Variants in ADAM2 observed in about 807,000 individuals in gnomAD.
ADAM2 encodes the protein ADAM metallopeptidase domain 2, also known as disintegrin and metalloproteinase domain-containing protein 2.
A neutral mutation model predicts 99.3 loss-of-function variants in ADAM2; 101 were observed. The observed-to-expected ratio is 1.02, with a 90% CI of 0.87 to 1.20. ADAM2 has a LOEUF of 1.20. Among genes scored for constraint, ADAM2 ranks in the 50% most tolerant of loss-of-function variants. The pLI, the probability that ADAM2 is intolerant of heterozygous loss-of-function variation, is 0.00. For missense variants in ADAM2, 948 were observed against 878.7 expected, an observed-to-expected ratio of 1.08 and a Z score of -1.00; for synonymous variants, 323 against 287.6, an observed-to-expected ratio of 1.12 and a Z score of -1.25.
intron 12 of ADAM2, among the ~76,000 whole-genome samples, chr8:39,768,064 G>C (rs1586070958): frequency 6.6e-6 from 1 of 152,156 alleles, no homozygotes. Flanking sequence ...AGAGTTGTCA[G>C]TATTTTTCAC....
At chr8:39,774,627 G>A (rs975848387) in intron 11 of ADAM2, 26 of 152,108 alleles carry the variant, frequency 1.7e-4, no homozygotes, top group African/African-American at 6.0e-4. Flanking sequence ...CAACCATGAT[G>A]GGAATAACTT....
chr8:39,835,479 T>A (rs1043978033), intron 2 of ADAM2, among the ~76,000 whole-genome samples: 2 of 151,994 alleles, frequency 1.3e-5, no homozygotes, highest in Admixed American at 6.5e-5. Flanking sequence ...GGTCAGGAGA[T>A]CGAGACCATC....
intron 7 of ADAM2, among the ~76,000 whole-genome samples, chr8:39,807,503 C>G (rs986296453): frequency 1.3e-5 from 2 of 152,238 alleles, no homozygotes; most frequent in East Asian, 3.9e-4. Flanking sequence ...TATTTTGGAG[C>G]CCTGAGCCCC....
chr8:39,826,876 C>CAAAACTAGACA (rs566161374), intron 3 of ADAM2, among the ~76,000 whole-genome samples: 1 of 151,628 alleles, frequency 6.6e-6, no homozygotes, highest in Non-Finnish European at 1.5e-5. Flanking sequence ...GTAACAAAAC[C>CAAAACTAGACA]AAAACTAGAC....
chr8:39,768,285 T>C (rs576402460), intron 12 of ADAM2, among the ~76,000 whole-genome samples: 4 of 152,132 alleles, frequency 2.6e-5, no homozygotes, highest in Non-Finnish European at 5.9e-5. Context: ...TAAAAACATA[T>C]CACATATCTC....
rs57655234 is a variant in ADAM2 at position 39,767,896 on chromosome 8, T to TCACACACACACACA, written c.1213-659_1213-646dup. 3.3e-3 allele frequency among the ~76,000 whole-genome samples: 487 copies of TCACACACACACACA among 147,878 alleles called. 5 individuals carry two copies. The highest frequency in any genetic ancestry group is 0.012 in the African/African-American group (469 of 40,552). ...ATAAGAAGGCTAAAAGACAATGCAT[T>TCACACACACACACA]CACACACACACACACACACACACAC... On this transcript the variant is annotated intron_variant, in intron 12 of 20. Coordinates refer to ENST00000265708, the MANE Select transcript of ADAM2 (RefSeq NM_001464.5).
At chr8:39,789,960 G>A (rs1391828788) in intron 7 of ADAM2, among the ~76,000 whole-genome samples, 1 of 151,764 alleles carries the variant, frequency 6.6e-6, no homozygotes, top group African/African-American at 2.4e-5. Flanking sequence ...TTGTGTATTA[G>A]GGAAATGTAA....
At chr8:39,815,710 A>C (rs1051757776) in intron 6 of ADAM2, among the ~76,000 whole-genome samples, 6 of 152,192 alleles carry the variant, frequency 3.9e-5, no homozygotes, top group African/African-American at 1.4e-4. Flanking sequence ...TTTTAAATAC[A>C]GCAGAAAGAA....
chr8:39,787,240 G>A (rs566708458), intron 9 of ADAM2, among the ~76,000 whole-genome samples, 185 bp from the exon 10 acceptor site: 15 of 151,460 alleles, frequency 9.9e-5, no homozygotes, highest in Admixed American at 9.9e-4. Context: ...TAAAAACAAA[G>A]TGTATTTTAT....
intron 3 of ADAM2, among the ~76,000 whole-genome samples, chr8:39,827,921 G>A (rs193108817): frequency 2.7e-4 from 41 of 152,054 alleles, no homozygotes; most frequent in African/African-American, 9.6e-4. Context: ...ATGTTAATTA[G>A]CTTAGTCATT....
chr8:39,811,003 G>GT (rs1804670812), intron 6 of ADAM2, among the ~76,000 whole-genome samples: 1 of 152,024 alleles, frequency 6.6e-6, no homozygotes, highest in Non-Finnish European at 1.5e-5. Context: ...CCAGGAGCTG[G>GT]TTTTTTGAAA....
intron 10 of ADAM2, among the ~76,000 whole-genome samples, chr8:39,781,327 C>T (rs1338067786): frequency 6.6e-6 from 1 of 152,046 alleles, no homozygotes. Context: ...TGTATAACTA[C>T]TACTTTGTAC....
intron 3 of ADAM2, among the ~76,000 whole-genome samples, chr8:39,833,152 A>G (rs1315900418): frequency 6.6e-6 from 1 of 152,016 alleles, no homozygotes; most frequent in Non-Finnish European, 1.5e-5. Flanking sequence ...TGCTCTATGT[A>G]TTTCTTGCAG....
intron 7 of ADAM2, among the ~76,000 whole-genome samples, chr8:39,793,092 G>A: frequency 6.6e-6 from 1 of 152,026 alleles, no homozygotes; most frequent in Non-Finnish European, 1.5e-5. Context: ...GGGAGAAAAG[G>A]CATTGGCTTA....
intron 10 of ADAM2, among the ~76,000 whole-genome samples, chr8:39,781,665 C>T (rs753905117): frequency 3.3e-5 from 5 of 152,116 alleles, no homozygotes; most frequent in South Asian, 2.1e-4. Flanking sequence ...ACTAATCTCT[C>T]TTGATCTAAA....
At chr8:39,793,669 C>A (rs943529640) in intron 7 of ADAM2, among the ~76,000 whole-genome samples, 1 of 152,100 alleles carries the variant, frequency 6.6e-6, no homozygotes. Context: ...AATTTCCAGA[C>A]TCCTTGGTAT....
chr8:39,778,113 T>C (rs2129584745), intron 10 of ADAM2, among the ~76,000 whole-genome samples: 1 of 150,790 alleles, frequency 6.6e-6, no homozygotes, highest in South Asian at 2.1e-4. Flanking sequence ...AGTAAGATGC[T>C]TATTATAGCA....
intron 10 of ADAM2, among the ~76,000 whole-genome samples, chr8:39,777,843 A>C (rs903680317): frequency 3.3e-5 from 5 of 151,736 alleles, no homozygotes; most frequent in Non-Finnish European, 7.4e-5. Flanking sequence ...AAAATTAAAA[A>C]AATTGATTCC....
At chr8:39,812,594 C>T (rs562391082) in intron 6 of ADAM2, among the ~76,000 whole-genome samples, 1 of 152,152 alleles carries the variant, frequency 6.6e-6, no homozygotes, top group Non-Finnish European at 1.5e-5. Context: ...ACCAATGGAA[C>T]AGATCAGAGC....
Sources: gnomAD v4.1 joint callset for allele counts (sites outside exome capture counted in the v4.1 genomes callset) on GRCh38, gnomAD v4.1.1 for gene constraint, MANE v1.5 for transcripts, NCBI Gene and HGNC (gene_info 2026-07-23, HGNC 2026-07-21) for gene names.